Variants in TFEC observed in about 807,000 individuals in gnomAD.
TFEC encodes class E basic helix-loop-helix protein 34.
In TFEC, 31 loss-of-function variants were observed where a neutral mutation model predicts 41.6. The observed-to-expected ratio is 0.74, with a 90% CI of 0.56 to 1.01. The LOEUF (loss-of-function observed/expected upper bound fraction) is 1.01. Ranked by LOEUF, TFEC falls within the 50% of genes least tolerant of loss-of-function variation. The pLI is 0.00. For synonymous variants in TFEC, 143 were observed against 140.6 expected, an observed-to-expected ratio of 1.02 and a Z score of -0.12; for missense variants, 402 against 404.1, an observed-to-expected ratio of 0.99 and a Z score of 0.04.
At chr7:116,094,060 C>G (rs941616423) in intron 3 of TFEC, among the ~76,000 whole-genome samples, 3 of 152,072 alleles carry the variant, frequency 2.0e-5, no homozygotes, top group Non-Finnish European at 4.4e-5. Context: ...GTAGGCAGGA[C>G]AAGTATAGAA....
chr7:116,084,382 A>G (rs1392098951), intron 3 of TFEC, among the ~76,000 whole-genome samples: 1 of 151,930 alleles, frequency 6.6e-6, no homozygotes, highest in Non-Finnish European at 1.5e-5. Flanking sequence ...ACACAACTTT[A>G]TAACAAATAA....
chr7:115,960,267 C>T (rs554133256), intron 3 of TFEC, among the ~76,000 whole-genome samples: 61 of 151,334 alleles, frequency 4.0e-4, no homozygotes, highest in African/African-American at 1.3e-3. Context: ...GAAAATAAAA[C>T]GAAGTTTTAT....
intron 3 of TFEC, among the ~76,000 whole-genome samples, chr7:116,092,221 C>A (rs189079231): frequency 6.6e-6 from 1 of 152,122 alleles, no homozygotes; most frequent in African/African-American, 2.4e-5. Flanking sequence ...TTTCACATTG[C>A]CCTAAGGTTC....
intron 1 of TFEC, among the ~76,000 whole-genome samples, chr7:116,026,622 T>G (rs1302000352): frequency 1.3e-5 from 2 of 152,226 alleles, no homozygotes; most frequent in African/African-American, 4.8e-5. Flanking sequence ...ACTGGGCAGA[T>G]TCATCCACTG....
chr7:116,093,710 T>C (rs1465322150), intron 3 of TFEC, among the ~76,000 whole-genome samples: 3 of 152,176 alleles, frequency 2.0e-5, no homozygotes, highest in Non-Finnish European at 4.4e-5. Flanking sequence ...GCAAATATTA[T>C]GACATCATTG....
At chr7:116,071,639 G>T (rs777921346) in intron 3 of TFEC, among the ~76,000 whole-genome samples, 11 of 151,324 alleles carry the variant, frequency 7.3e-5, no homozygotes. Context: ...TGTAGAAGAT[G>T]ATTTATAATG....
intron 3 of TFEC, among the ~76,000 whole-genome samples, chr7:116,070,105 C>T (rs1796790807): frequency 6.6e-6 from 1 of 150,868 alleles, no homozygotes; most frequent in African/African-American, 2.4e-5. Context: ...ATATACAAAG[C>T]AATATAAAAA....
Position 116,067,285 on chromosome 7 carries a change from T to C in TFEC, c.198+43423A>G, listed in dbSNP as rs76259386. 3.7e-3 allele frequency among the ~76,000 whole-genome samples: 568 copies of C among 152,132 alleles called. 11 individuals carry two copies. The highest frequency in any genetic ancestry group is 6.6e-3 in the East Asian group (34 of 5,184). On this transcript the variant is annotated intron_variant, in intron 3 of 8. Coordinates refer to the TFEC transcript ENST00000484212. ...GTAACATGTAATATTCATAGACGTT[T>C]CCATGTCTAAGGCAGAAATGAATCA...
intron 1 of TFEC, among the ~76,000 whole-genome samples, chr7:116,024,359 C>T (rs1424157649): frequency 6.6e-6 from 1 of 152,116 alleles, no homozygotes; most frequent in Non-Finnish European, 1.5e-5. Context: ...TTAAAAGGGT[C>T]CTAGAAAAGA....
chr7:115,955,607 C>T (rs540960243), intron 4 of TFEC, among the ~76,000 whole-genome samples: 18 of 152,030 alleles, frequency 1.2e-4, no homozygotes, highest in Non-Finnish European at 2.4e-4. Flanking sequence ...TGAACGAATT[C>T]ACTAGGCCAC....
intron 3 of TFEC, among the ~76,000 whole-genome samples, chr7:116,052,371 T>C (rs1796331061): frequency 6.6e-6 from 1 of 152,210 alleles, no homozygotes; most frequent in South Asian, 2.1e-4. Flanking sequence ...AGTGTTGCTT[T>C]ACCTGCAAAT....
intron 1 of TFEC, among the ~76,000 whole-genome samples, chr7:116,008,205 C>T (rs1272667673): frequency 1.3e-5 from 2 of 152,136 alleles, no homozygotes; most frequent in Non-Finnish European, 2.9e-5. Flanking sequence ...ATTATAATAG[C>T]CAATCAAATT....
rs753945841 is a variant in TFEC at position 115,940,858 on chromosome 7, T to C, written c.737A>G (p.His246Arg). Residue 246 changes from histidine (H) to arginine (R), a missense_variant, in exon 8 of 8, where the codon CAT becomes CGT. By Grantham distance (29) the His-to-Arg change is conservative. Coordinates refer to ENST00000265440, the MANE Select transcript of TFEC (RefSeq NM_012252.4). Reference protein sequence around the residue: ...ASLGTVDLGAHVTKQQSHPEQ... With the variant: ...ASLGTVDLGARVTKQQSHPEQ... Reference sequence around the variant, plus strand: ...AGGATGGCTCTGCTGTTTGGTGACATGAGCACCTAAATCAACCGTGCCAAG... The same window carrying C: ...AGGATGGCTCTGCTGTTTGGTGACACGAGCACCTAAATCAACCGTGCCAAG... The C allele has an allele frequency of 1.9e-6, 3 of 1,613,280 alleles. No individual in the cohort carries two copies. The highest frequency in any genetic ancestry group is 2.5e-6 in the Non-Finnish European group (3 of 1,179,502).
intron 3 of TFEC, among the ~76,000 whole-genome samples, chr7:115,969,201 G>T (rs367845340): frequency 6.6e-5 from 10 of 151,926 alleles, no homozygotes; most frequent in Admixed American, 6.6e-4. Context: ...CAACAAAACA[G>T]GCTACTGTTT....
intron 6 of TFEC, among the ~76,000 whole-genome samples, chr7:115,950,333 C>T (rs569270793): frequency 6.6e-6 from 1 of 152,184 alleles, no homozygotes; most frequent in African/African-American, 2.4e-5. Flanking sequence ...TAAGTTAACA[C>T]TTTATTTCTC....
intron 3 of TFEC, among the ~76,000 whole-genome samples, chr7:116,083,261 A>G (rs1797130862): frequency 6.6e-6 from 1 of 151,892 alleles, no homozygotes; most frequent in African/African-American, 2.4e-5. Flanking sequence ...TGGAGTGACT[A>G]GTGAAAAAAA....
At position 115,941,939 on chromosome 7, in the gene TFEC, T is replaced by C; in HGVS notation, c.617A>G (p.Gln206Arg). 1.2e-6 allele frequency: 2 copies of C among 1,613,268 alleles called. No homozygotes were observed. The highest frequency in any genetic ancestry group is 1.7e-6 in the Non-Finnish European group (2 of 1,179,478). Reference protein sequence around the residue: ...QQRARELEHRQKKLEQANRRL... With the variant: ...QQRARELEHRRKKLEQANRRL... The stretch of plus-strand genomic sequence containing the variant: ...CCTGTTAGCCTGCTCTAATTTCTTC[T>C]GTCTGTGTTCCAATTCTCGGGCTCT... The change falls in exon 7 of 8, where the codon CAG (glutamine) becomes CGG (arginine). Residue 206 changes from glutamine to arginine, a missense_variant. Gln to Arg is a conservative substitution (Grantham distance 43). Transcript: ENST00000265440.
At chr7:115,996,437 G>A (rs1207021402) in intron 1 of TFEC, among the ~76,000 whole-genome samples, 1 of 152,052 alleles carries the variant, frequency 6.6e-6, no homozygotes, top group African/African-American at 2.4e-5. Flanking sequence ...TACCCAGGCA[G>A]TACTTGTGAT....
At chr7:116,028,588 T>C (rs1231256934) in intron 1 of TFEC, among the ~76,000 whole-genome samples, 1 of 152,202 alleles carries the variant, frequency 6.6e-6, no homozygotes, top group East Asian at 1.9e-4. Context: ...TAGTTCAAAA[T>C]AGCAACCTAT....
Sources: gnomAD v4.1 joint callset for allele counts (sites outside exome capture counted in the v4.1 genomes callset) on GRCh38, gnomAD v4.1.1 for gene constraint, MANE v1.5 for transcripts, NCBI Gene and HGNC (gene_info 2026-07-23, HGNC 2026-07-21) for gene names.